ISM1: variants seen among roughly 807,000 people sequenced by gnomAD.
The protein encoded by ISM1 is isthmin-1.
ISM1 carries 25 observed loss-of-function variants against 46.3 expected under a neutral mutation model. That is an observed-to-expected ratio of 0.54 (90% CI 0.39 to 0.75). The LOEUF is 0.75. Ranked by LOEUF, ISM1 falls within the 30% of genes least tolerant of loss-of-function variation. The probability of loss-of-function intolerance (pLI) is 0.00; values close to 1 mark genes in which losing one functional copy is unlikely to be tolerated. For missense variants in ISM1, 536 were observed against 625.4 expected (o/e 0.86, Z 1.52); for synonymous variants, 255 against 256.7 (o/e 0.99, Z 0.06).
At chr20:13,272,290 A>T (rs2040124239) in intron 2 of ISM1, among the ~76,000 whole-genome samples, 1 of 152,184 alleles carries the variant, frequency 6.6e-6, no homozygotes, top group Non-Finnish European at 1.5e-5. Flanking sequence ...CGTTGACCTG[A>T]GTTGTTTTGC....
chr20:13,318,905 C>T, the ISM1 span, among the ~76,000 whole-genome samples: 1 of 152,180 alleles, frequency 6.6e-6, no homozygotes, highest in East Asian at 1.9e-4. Context: ...GCACAGAACA[C>T]TTTCAGGACA....
chr20:13,276,905 G>C lies in ISM1; in HGVS notation c.379-2729G>C, dbSNP rs191193055. Reference sequence around the variant, plus strand: ...AGATTTCTTCTTTTGATATCAGCATGAGGTTTTCACTTTGTTAACTGTAGG... The same window carrying C: ...AGATTTCTTCTTTTGATATCAGCATCAGGTTTTCACTTTGTTAACTGTAGG... On this transcript the variant is annotated intron_variant, in intron 2 of 5. Coordinates refer to ENST00000262487, the MANE Select transcript of ISM1 (RefSeq NM_080826.2). Among the ~76,000 whole-genome samples, 34 of 152,336 alleles carry C rather than the reference G, an allele frequency of 2.2e-4. No individual in the cohort carries two copies. The East Asian group carries it at 6.2e-3, about 28-fold the overall frequency.
At chr20:13,268,698 G>T (rs1041449912) in intron 1 of ISM1, among the ~76,000 whole-genome samples, 1 of 152,034 alleles carries the variant, frequency 6.6e-6, no homozygotes, top group African/African-American at 2.4e-5. Context: ...ATTCAGAGGC[G>T]GTCTCTGAAC....
chr20:13,253,071 G>A (rs2039885610), intron 1 of ISM1, among the ~76,000 whole-genome samples: 1 of 152,204 alleles, frequency 6.6e-6, no homozygotes, highest in Non-Finnish European at 1.5e-5. Flanking sequence ...CACAGCGAGG[G>A]AGAAATCAGT....
chr20:13,261,425 C>CA (rs61066966), intron 1 of ISM1, among the ~76,000 whole-genome samples: 499 of 105,154 alleles, frequency 4.7e-3, no homozygotes, highest in Non-Finnish European at 5.2e-3. Flanking sequence ...AACTCTGTCT[C>CA]AAAAAAAAAA....
Position 13,299,567 on chromosome 20 carries a change from T to C in ISM1, c.*108T>C. 2 of 992,046 alleles carry C rather than the reference T, an allele frequency of 2.0e-6. No individual in the cohort carries two copies. Among genetic ancestry groups the C allele is most frequent in the South Asian group, 3.1e-5 (2 of 65,182 alleles). 61.5% of individuals were successfully genotyped at this position (992,046 alleles called of 1,614,324 possible). A position where few individuals can be genotyped will look rare whatever the true frequency, so the allele number is the denominator to read the frequency against. ...CCTTCATAGCTGCGGTCGTGTATATTTGTATATACCACATGAGTATTTCTC... is the reference window on the plus strand; with the variant it reads ...CCTTCATAGCTGCGGTCGTGTATATCTGTATATACCACATGAGTATTTCTC... On this transcript the variant is annotated 3_prime_UTR_variant, in exon 6 of 6. Coordinates refer to ENST00000262487, the MANE Select transcript of ISM1 (RefSeq NM_080826.2). The surrounding 1 kb of genome is among the most constrained non-coding windows in gnomAD (Gnocchi z 5.8).
At chr20:13,313,831 C>G in the ISM1 span, among the ~76,000 whole-genome samples, 1 of 152,044 alleles carries the variant, frequency 6.6e-6, no homozygotes, top group Non-Finnish European at 1.5e-5. Context: ...ATTGTTAGGC[C>G]AGGAATTTAA....
At chr20:13,300,855 CAT>C (rs202068883), downstream of ISM1, among the ~76,000 whole-genome samples, 2,143 of 152,312 alleles carry the variant, frequency 0.014, 15 homozygotes, top group Middle Eastern at 0.024. Flanking sequence ...CCCATTGACA[CAT>C]GTGTGACTTT....
chr20:13,281,840 T>C (rs719628), intron 3 of ISM1, among the ~76,000 whole-genome samples: 59,185 of 152,076 alleles, frequency 0.39, 14,277 homozygotes, highest in African/African-American at 0.69. Flanking sequence ...GTTGTTTCTA[T>C]GAGTAGAGCT....
intron 1 of ISM1, among the ~76,000 whole-genome samples, chr20:13,265,672 A>G (rs903467263): frequency 6.6e-6 from 1 of 152,262 alleles, no homozygotes; most frequent in East Asian, 1.9e-4. Context: ...TGCAATTGTG[A>G]TAGTATTTGG....
At chr20:13,310,394 T>C in the ISM1 span, among the ~76,000 whole-genome samples, 1 of 152,120 alleles carries the variant, frequency 6.6e-6, no homozygotes, top group Non-Finnish European at 1.5e-5. Flanking sequence ...GAAATTGGAC[T>C]CTTATCTCAC....
chr20:13,324,542 T>C, the ISM1 span, among the ~76,000 whole-genome samples: 1 of 152,192 alleles, frequency 6.6e-6, no homozygotes, highest in African/African-American at 2.4e-5. Flanking sequence ...TGAGAGACTT[T>C]TGGAAGAAAC....
At position 13,238,126 on chromosome 20, in the gene ISM1, AAG is replaced by A. The variant is rs2039674147; in HGVS notation, c.138+16214_138+16215del. On this transcript the variant is annotated intron_variant, in intron 1 of 5. Coordinates refer to ENST00000262487, the MANE Select transcript of ISM1 (RefSeq NM_080826.2). ...GAGCAATAACTTAAAATTTAAAAAAAAGAATACTTTTGAGAGCACTGTGAGGT... is the reference window on the plus strand; with the variant it reads ...GAGCAATAACTTAAAATTTAAAAAAAAATACTTTTGAGAGCACTGTGAGGT... 2.0e-5 allele frequency: 3 copies of A among 152,002 alleles called. No homozygotes were observed. In the South Asian group the frequency reaches 6.2e-4, roughly 32 times the overall value. 9.4% of individuals were successfully genotyped at this position (152,002 alleles called of 1,614,324 possible).
At chr20:13,305,886 C>T in the ISM1 span, among the ~76,000 whole-genome samples, 3 of 152,082 alleles carry the variant, frequency 2.0e-5, no homozygotes, top group Non-Finnish European at 4.4e-5. Flanking sequence ...CTAAAAAGAC[C>T]AGTGCCTTGC....
At chr20:13,281,304 T>G (rs2040236140) in intron 3 of ISM1, among the ~76,000 whole-genome samples, 1 of 152,174 alleles carries the variant, frequency 6.6e-6, no homozygotes, top group African/African-American at 2.4e-5. Context: ...CCAGGGGAAC[T>G]GAAAGAGAAC....
intron 1 of ISM1, among the ~76,000 whole-genome samples, chr20:13,265,597 C>T (rs2040034005): frequency 1.3e-5 from 2 of 152,160 alleles, no homozygotes. Context: ...CCTTCCCCGC[C>T]CAAGCTCTGC....
chr20:13,311,657 C>T, the ISM1 span, among the ~76,000 whole-genome samples: 4 of 152,224 alleles, frequency 2.6e-5, no homozygotes, highest in South Asian at 8.3e-4. Flanking sequence ...ACTTGGAGGA[C>T]ATTATGTTTA....
chr20:13,298,735 C>T (rs965021312), intron 5 of ISM1, among the ~76,000 whole-genome samples: 34 of 152,098 alleles, frequency 2.2e-4, no homozygotes, highest in African/African-American at 8.0e-4. Flanking sequence ...GTTCAAGGGA[C>T]GTGAGAACGG....
chr20:13,323,459 C>A, the ISM1 span, among the ~76,000 whole-genome samples: 837 of 152,258 alleles, frequency 5.5e-3, 9 homozygotes, highest in African/African-American at 0.018. Context: ...AAGAACTCAG[C>A]CCTATTCCTT....
Sources: gnomAD v4.1 joint callset for allele counts (sites outside exome capture counted in the v4.1 genomes callset) on GRCh38, gnomAD v4.1.1 for gene constraint, Gnocchi (gnomAD v3.1) non-coding constraint, MANE v1.5 for transcripts, NCBI Gene and HGNC (gene_info 2026-07-23, HGNC 2026-07-21) for gene names.